CPA6: variants seen among roughly 807,000 people sequenced by gnomAD.
The protein encoded by CPA6 is carboxypeptidase A6.
A neutral mutation model predicts 63.3 loss-of-function variants in CPA6; 58 were observed. The observed-to-expected ratio is 0.92, with a 90% CI of 0.74 to 1.14. CPA6 has a LOEUF of 1.14. CPA6 is among the 50% of genes most tolerant of loss of function. The pLI is 0.00. For synonymous variants in CPA6, 185 were observed against 179.0 expected (o/e 1.03, Z -0.27); for missense variants, 565 against 526.6 (o/e 1.07, Z -0.71).
At chr8:67,618,757 T>C (rs1021461224) in intron 2 of CPA6, among the ~76,000 whole-genome samples, 1 of 152,188 alleles carries the variant, frequency 6.6e-6, no homozygotes, top group Non-Finnish European at 1.5e-5. Flanking sequence ...ATGGAAACTT[T>C]GTGATCCTAC....
At chr8:67,692,019 C>T (rs544419607) in intron 1 of CPA6, among the ~76,000 whole-genome samples, 1 of 152,224 alleles carries the variant, frequency 6.6e-6, no homozygotes, top group African/African-American at 2.4e-5. Context: ...GTTGCCCATG[C>T]AGAGATGAAA....
rs1244160205 is a variant in CPA6 at position 67,729,927 on chromosome 8, T to C, written c.116+16087A>G. Among the ~76,000 whole-genome samples, 8 of 152,368 alleles carry C rather than the reference T, an allele frequency of 5.3e-5. No individual in the cohort carries two copies. In the East Asian group the frequency reaches 1.5e-3, roughly 29 times the overall value. On this transcript the variant is annotated intron_variant, in intron 1 of 10. Coordinates refer to ENST00000297770, the MANE Select transcript of CPA6 (RefSeq NM_020361.5). ...TTACGGGCCCCAATTTGGCCATTTC[T>C]GTTTTTTGAAACCAGTGGATGTGAT...
chr8:67,690,078 G>C (rs1015896512), intron 1 of CPA6, among the ~76,000 whole-genome samples: 7 of 152,050 alleles, frequency 4.6e-5, no homozygotes, highest in Non-Finnish European at 8.8e-5. Context: ...GTCTTCTTTA[G>C]AGAAATGTCT....
chr8:67,675,293 G>T (rs914876467), intron 1 of CPA6, among the ~76,000 whole-genome samples: 3 of 152,104 alleles, frequency 2.0e-5, no homozygotes, highest in African/African-American at 7.2e-5. Flanking sequence ...CGCTGGGCTG[G>T]TTGCTCTTGG....
At chr8:67,519,783 A>G (rs141102056) in intron 2 of CPA6, among the ~76,000 whole-genome samples, 6 of 152,336 alleles carry the variant, frequency 3.9e-5, no homozygotes, top group African/African-American at 1.2e-4. Context: ...ACTCTCCCCA[A>G]TAGGTGTGTC....
intron 1 of CPA6, among the ~76,000 whole-genome samples, chr8:67,705,599 T>G (rs979425001): frequency 6.6e-6 from 1 of 152,154 alleles, no homozygotes; most frequent in African/African-American, 2.4e-5. Context: ...AAAATATACT[T>G]TCCAAGATGG....
intron 8 of CPA6, among the ~76,000 whole-genome samples, chr8:67,470,806 A>G (rs1811040915): frequency 6.6e-6 from 1 of 152,200 alleles, no homozygotes; most frequent in Admixed American, 6.5e-5. Context: ...GGTATATGCC[A>G]TGGTTCTCTA....
At chr8:67,731,835 G>A (rs1817711242) in intron 1 of CPA6, among the ~76,000 whole-genome samples, 1 of 152,176 alleles carries the variant, frequency 6.6e-6, no homozygotes, top group African/African-American at 2.4e-5. Flanking sequence ...AAGTTCTTTG[G>A]TTTGTAAAAA....
intron 1 of CPA6, among the ~76,000 whole-genome samples, chr8:67,703,522 C>G (rs186254539): frequency 6.6e-4 from 101 of 152,350 alleles, no homozygotes; most frequent in Non-Finnish European, 1.3e-3. Flanking sequence ...CCTGCCAGAT[C>G]GTCTGCCTTG....
intron 2 of CPA6, among the ~76,000 whole-genome samples, chr8:67,542,265 T>G (rs1460481315): frequency 1.3e-5 from 2 of 152,226 alleles, no homozygotes; most frequent in Non-Finnish European, 2.9e-5. Context: ...TCTGTTCCAG[T>G]AGTCATTACT....
At chr8:67,617,858 C>T (rs1814992789) in intron 2 of CPA6, among the ~76,000 whole-genome samples, 1 of 152,162 alleles carries the variant, frequency 6.6e-6, no homozygotes, top group Non-Finnish European at 1.5e-5. Context: ...TTTTAGTAGG[C>T]TTTAGATAGT....
Position 67,641,437 on chromosome 8 carries a change from C to A in CPA6, c.117-17186G>T, listed in dbSNP as rs569946950. ...AAATTTCTAGAATTAAATTAAGTAA[C>A]AAATAAAACTAGAAACTTGATGGAC... is the stretch of plus-strand genomic sequence containing the variant. On this transcript the variant is annotated intron_variant, in intron 1 of 10. Transcript: ENST00000297770. 9.5e-5 allele frequency among the ~76,000 whole-genome samples: 14 copies of A among 146,876 alleles called. 2 individuals carry two copies. The highest frequency in any genetic ancestry group is 3.6e-4 in the African/African-American group (13 of 36,574).
intron 1 of CPA6, among the ~76,000 whole-genome samples, chr8:67,637,213 G>T (rs1237702544): frequency 6.6e-6 from 1 of 151,586 alleles, no homozygotes; most frequent in Admixed American, 6.6e-5. Context: ...TTTTCTCACG[G>T]TAGCTCACAT....
intron 1 of CPA6, among the ~76,000 whole-genome samples, chr8:67,655,922 T>C (rs1308685602): frequency 6.6e-6 from 1 of 152,166 alleles, no homozygotes; most frequent in Non-Finnish European, 1.5e-5. Context: ...GATCTCTGGC[T>C]CTGTTTTTTC....
chr8:67,451,295 T>C (rs1810552187), intron 8 of CPA6, among the ~76,000 whole-genome samples: 1 of 152,196 alleles, frequency 6.6e-6, no homozygotes, highest in South Asian at 2.1e-4. Flanking sequence ...GAGCTCTGCC[T>C]CCTGTCAGAT....
Position 67,434,102 on chromosome 8 carries a change from T to C in CPA6, c.977A>G (p.Tyr326Cys), listed in dbSNP as rs777340067. Residue 326 changes from tyrosine to cysteine, a missense_variant, in exon 9 of 11, where the codon TAT becomes TGT. Tyr to Cys is a radical substitution (Grantham distance 194). Transcript: ENST00000297770. ...HIRAYLSFHA[Y>C]AQMLLYPYSY... ...ATAGGGATACAGTAACATCTGAGCATATGCATGAAAGGAGAGATAAGCCCT... is the reference window on the plus strand; with the variant it reads ...ATAGGGATACAGTAACATCTGAGCACATGCATGAAAGGAGAGATAAGCCCT... The C allele has an allele frequency of 9.3e-6, 15 of 1,613,940 alleles. No homozygotes were observed. Among genetic ancestry groups the C allele is most frequent in the Non-Finnish European group, 1.2e-5 (14 of 1,179,934 alleles).
intron 1 of CPA6, among the ~76,000 whole-genome samples, chr8:67,683,836 G>C (rs892163418): frequency 1.3e-5 from 2 of 150,852 alleles, no homozygotes; most frequent in African/African-American, 4.9e-5. Context: ...CTTCATATTG[G>C]GGGGAGGGGA....
rs1811939749 is a variant in CPA6, at chr8:67,506,860, G to A, written c.563C>T (p.Ala188Val). 1.9e-6 allele frequency: 3 copies of A among 1,613,388 alleles called. No individual in the cohort carries two copies. The highest frequency in any genetic ancestry group is 2.5e-6 in the Non-Finnish European group (3 of 1,179,568). Residue 188 changes from alanine (A) to valine (V), a missense_variant, in exon 6 of 11, where the codon GCT becomes GTT. By Grantham distance (64) the Ala-to-Val change is moderately conservative. Coordinates refer to ENST00000297770, the MANE Select transcript of CPA6 (RefSeq NM_020361.5). ...ATGAATACCACAGTCTATCCAAACA[G>A]CTCTTTTGAGTCGTGATCGTCTGCC... is the stretch of plus-strand genomic sequence containing the variant. ...KLGRRSRLKR[A>V]VWIDCGIHAR...
rs111479505 is a variant in CPA6, at chr8:67,518,016, T to A, written c.224A>T (p.Tyr75Phe). 6.8e-6 allele frequency: 11 copies of A among 1,610,330 alleles called. No individual in the cohort carries two copies. Among genetic ancestry groups the A allele is most frequent in the African/African-American group, 4.0e-5 (3 of 74,868 alleles). ...VDLWQPSSIS[Y>F]VSEGTVTDVH... ...ATCAGTAACTGTTCCCTCTGATACA[T>A]AGGAGATACTGCTGGGCTGCCACAG... The change falls in exon 3 of 11, where the codon TAT becomes TTT. Residue 75 changes from tyrosine to phenylalanine, a missense_variant. Transcript: ENST00000297770.
Sources: allele counts gnomAD v4.1 joint callset (sites outside exome capture counted in the v4.1 genomes callset), GRCh38; gene constraint gnomAD v4.1.1; transcripts MANE v1.5; gene names NCBI Gene and HGNC (gene_info 2026-07-23, HGNC 2026-07-21).